Variants in TAMM41 observed in about 807,000 individuals in gnomAD.
TAMM41 encodes the protein phosphatidate cytidylyltransferase, mitochondrial.
Under a neutral mutation model 44.1 loss-of-function variants are expected in TAMM41, and 36 were observed. The observed-to-expected ratio is 0.82, with a 90% CI of 0.63 to 1.08. The LOEUF (loss-of-function observed/expected upper bound fraction) is 1.08, where lower values mean the gene tolerates loss of function less well. Among genes scored for constraint, TAMM41 ranks in the 50% least tolerant of loss-of-function variants. TAMM41 has a pLI of 0.00. For synonymous variants in TAMM41, 164 were observed against 153.1 expected (o/e 1.07, Z -0.53); for missense variants, 417 against 404.3 (o/e 1.03, Z -0.27).
chr3:11,752,625 C>CTTTTTTT, the TAMM41 span, among the ~76,000 whole-genome samples: 58 of 39,954 alleles, frequency 1.5e-3, 10 homozygotes, highest in African/African-American at 3.1e-3. Flanking sequence ...TCTTACAAAG[C>CTTTTTTT]TTTTTTTTTT....
rs775014499 is a variant in TAMM41 at position 11,807,853 on chromosome 3, G to A, written c.917C>T (p.Thr306Met). The part of the protein sequence containing the change: ...IVRPSSIRQS[T>M]KGIFTAGLKK... ...CTTACCAGCAGTAAAAATGCCTTTCGTGCTCTGTCTTATACTAGACGGTCT... is the reference window on the plus strand; with the variant it reads ...CTTACCAGCAGTAAAAATGCCTTTCATGCTCTGTCTTATACTAGACGGTCT... The change falls in exon 7 of 8, where the codon ACG becomes ATG. Residue 306 changes from threonine (T) to methionine (M), a missense_variant. Thr to Met is a moderately conservative substitution (Grantham distance 81, BLOSUM62 -1). Transcript: ENST00000455809. 21 of 1,535,948 alleles carry A rather than the reference G, an allele frequency of 1.4e-5. No individual in the cohort carries two copies. Among genetic ancestry groups the A allele is most frequent in the Admixed American group, 7.8e-5 (4 of 50,964 alleles).
intron 7 of TAMM41, among the ~76,000 whole-genome samples, chr3:11,802,430 G>A (rs1486415366): frequency 6.6e-6 from 1 of 152,092 alleles, no homozygotes; most frequent in East Asian, 1.9e-4. Context: ...ACAACTAGAT[G>A]TCCACAAACT....
At chr3:11,816,490 G>A (rs1202962406) in intron 5 of TAMM41, among the ~76,000 whole-genome samples, 1 of 152,198 alleles carries the variant, frequency 6.6e-6, no homozygotes, top group African/African-American at 2.4e-5. Flanking sequence ...CAGGCTGGGT[G>A]CAGTGGCTCA....
intron 7 of TAMM41, among the ~76,000 whole-genome samples, chr3:11,803,335 G>A (rs2077808349): frequency 1.3e-5 from 2 of 152,284 alleles, no homozygotes; most frequent in Middle Eastern, 3.4e-3. Flanking sequence ...AGTGAGGTGA[G>A]ATCGCGCCAC....
At chr3:11,791,702 C>T (rs1002790172) in intron 7 of TAMM41, among the ~76,000 whole-genome samples, 2 of 152,162 alleles carry the variant, frequency 1.3e-5, no homozygotes, top group African/African-American at 4.8e-5. Context: ...TACCTGTAAA[C>T]TGCTTAGTCC....
the TAMM41 span, among the ~76,000 whole-genome samples, chr3:11,734,477 T>A: frequency 6.6e-6 from 1 of 152,190 alleles, no homozygotes; most frequent in African/African-American, 2.4e-5. Context: ...TGACAGCTCC[T>A]CTTACAGTCA....
At chr3:11,767,626 A>ATTTTTTTTTTTTTTTTTTTTTTGTTTT in the TAMM41 span, among the ~76,000 whole-genome samples, 1 of 60,692 alleles carries the variant, frequency 1.6e-5, no homozygotes, top group Non-Finnish European at 3.1e-5. Context: ...CACGTTGTGC[A>ATTTTTTTTTTTTTTTTTTTTTTGTTTT]TTTTTTTTTT....
the TAMM41 span, among the ~76,000 whole-genome samples, chr3:11,727,632 T>C: frequency 0.29 from 44,385 of 151,840 alleles, 6,705 homozygotes; most frequent in Middle Eastern, 0.37. Flanking sequence ...AGTAGGCTAA[T>C]TTTTGTATTT....
At position 11,839,254 on chromosome 3, in the gene TAMM41, T is replaced by C; in HGVS notation, c.379A>G (p.Asn127Asp). ...TGGAGTCGTCCAGCAATGTATAAGT[T>C]ATTCCAGTTGAGGAGATCTTCAATC... is the stretch of plus-strand genomic sequence containing the variant. ...VLIEDLLNWNNLYIAGRLQKP... is the reference protein window; with the variant it reads ...VLIEDLLNWNDLYIAGRLQKP... The change falls in exon 3 of 8, where the codon AAC becomes GAC. Residue 127 changes from asparagine (N) to aspartate (D), a missense_variant. Asn to Asp is a conservative substitution (Grantham distance 23). Transcript: ENST00000455809. The C allele has an allele frequency of 6.2e-7, 1 of 1,613,832 alleles. No individual in the cohort carries two copies. The highest frequency in any genetic ancestry group is 1.1e-5 in the South Asian group (1 of 90,996).
At chr3:11,785,709 G>T (rs1383443914), downstream of TAMM41, among the ~76,000 whole-genome samples, 2 of 152,022 alleles carry the variant, frequency 1.3e-5, no homozygotes, top group Non-Finnish European at 2.9e-5. Context: ...TGACCTCCCG[G>T]GGTTCAGGTG....
At chr3:11,732,914 A>G in the TAMM41 span, among the ~76,000 whole-genome samples, 1 of 152,064 alleles carries the variant, frequency 6.6e-6, no homozygotes, top group African/African-American at 2.4e-5. Flanking sequence ...GGCTGTGGTA[A>G]GGAGCTCTGA....
intron 3 of TAMM41, chr3:11,833,105 G>T: frequency 7.8e-7 from 1 of 1,284,000 alleles, no homozygotes; most frequent in Non-Finnish European, 1.0e-6. Context: ...GTTATTTGTT[G>T]TTCAGAGTGA....
At chr3:11,775,164 C>A in the TAMM41 span, among the ~76,000 whole-genome samples, 1 of 152,088 alleles carries the variant, frequency 6.6e-6, no homozygotes, top group East Asian at 1.9e-4. Context: ...CCGCGCCTGG[C>A]CTTTTTTAAT....
At chr3:11,729,851 A>G in the TAMM41 span, among the ~76,000 whole-genome samples, 1 of 152,012 alleles carries the variant, frequency 6.6e-6, no homozygotes, top group African/African-American at 2.4e-5. Flanking sequence ...AAGGAAGGAC[A>G]AGGTTATTGG....
chr3:11,805,536 T>G (rs1388531646), intron 7 of TAMM41, among the ~76,000 whole-genome samples: 1 of 152,138 alleles, frequency 6.6e-6, no homozygotes, highest in Admixed American at 6.6e-5. Context: ...CCTCCCAAAG[T>G]GCTGGGATTA....
intron 1 of TAMM41, chr3:11,844,928 G>A (rs1416228300): frequency 2.2e-6 from 1 of 456,700 alleles, no homozygotes; most frequent in African/African-American, 2.0e-5. Context: ...GGCACAGGAG[G>A]GAGAAATTCT....
intron 3 of TAMM41, chr3:11,830,615 CTG>C (rs1300103333): frequency 1.3e-5 from 2 of 152,210 alleles, no homozygotes; most frequent in Non-Finnish European, 2.9e-5. Flanking sequence ...TGGCTCACAT[CTG>C]TAATCTCAGC....
chr3:11,739,251 C>T, the TAMM41 span, among the ~76,000 whole-genome samples: 5,186 of 152,286 alleles, frequency 0.034, 266 homozygotes, highest in African/African-American at 0.11. Context: ...ATTCTTGCCT[C>T]CTCCCCTAGA....
the TAMM41 span, among the ~76,000 whole-genome samples, chr3:11,738,318 GA>G: frequency 6.6e-6 from 1 of 152,164 alleles, no homozygotes; most frequent in Non-Finnish European, 1.5e-5. Flanking sequence ...TTAGAACCTT[GA>G]ACAAGTTATT....
Sources: gnomAD v4.1 joint callset for allele counts (sites outside exome capture counted in the v4.1 genomes callset) on GRCh38, gnomAD v4.1.1 for gene constraint, MANE v1.5 for transcripts, NCBI Gene and HGNC (gene_info 2026-07-23, HGNC 2026-07-21) for gene names.